Variants in FARS2 observed in about 807,000 individuals in gnomAD.
FARS2 encodes phenylalanyl-tRNA synthetase 2, mitochondrial, also known as phenylalanine--tRNA ligase, mitochondrial.
In FARS2, 40 loss-of-function variants were observed where a neutral mutation model predicts 46.4. The observed-to-expected ratio is 0.86, with a 90% CI of 0.67 to 1.12. FARS2 has a LOEUF of 1.12. FARS2 is among the 50% of genes most tolerant of loss of function. FARS2 has a pLI of 0.00. For synonymous variants in FARS2, 234 were observed against 214.9 expected, an observed-to-expected ratio of 1.09 and a Z score of -0.78; for missense variants, 513 against 567.9, an observed-to-expected ratio of 0.90 and a Z score of 0.98.
At chr6:5,506,972 T>A (rs1327785255) in intron 4 of FARS2, among the ~76,000 whole-genome samples, 2 of 152,228 alleles carry the variant, frequency 1.3e-5, no homozygotes, top group African/African-American at 4.8e-5. Flanking sequence ...ATGGCTTTGA[T>A]TTTTCAACAT....
At chr6:5,663,614 G>A (rs566843143) in intron 6 of FARS2, among the ~76,000 whole-genome samples, 2 of 152,198 alleles carry the variant, frequency 1.3e-5, no homozygotes, top group Admixed American at 1.3e-4. Flanking sequence ...GAGCGGAGAG[G>A]AGAGATGTGA....
intron 3 of FARS2, among the ~76,000 whole-genome samples, chr6:5,429,468 A>G (rs913892634): frequency 1.3e-5 from 2 of 152,170 alleles, no homozygotes; most frequent in African/African-American, 4.8e-5. Flanking sequence ...GACTCTCAAA[A>G]TATCTTTTTT....
At chr6:5,493,209 CAAAAAAAAAA>C (rs34541325) in intron 4 of FARS2, among the ~76,000 whole-genome samples, 5 of 92,880 alleles carry the variant, frequency 5.4e-5, no homozygotes, top group Non-Finnish European at 8.6e-5. Context: ...GACTGTGTCT[CAAAAAAAAAA>C]AAAAAAAAAG....
intron 4 of FARS2, among the ~76,000 whole-genome samples, chr6:5,487,148 T>C (rs568944728): frequency 3.9e-5 from 6 of 152,346 alleles, no homozygotes; most frequent in African/African-American, 9.6e-5. Flanking sequence ...AGGTTTTTCA[T>C]TTGTTTGTCT....
At chr6:5,293,128 C>A (rs1386561555) in intron 1 of FARS2, among the ~76,000 whole-genome samples, 3 of 152,190 alleles carry the variant, frequency 2.0e-5, no homozygotes. Flanking sequence ...ATCCAGAATT[C>A]ACTGGGTTGA....
the FARS2 span, among the ~76,000 whole-genome samples, chr6:5,253,072 T>A: frequency 6.6e-6 from 1 of 152,220 alleles, no homozygotes; most frequent in Non-Finnish European, 1.5e-5. Flanking sequence ...GCTTGTAATG[T>A]TTTACCCTTA....
At chr6:5,505,743 G>T (rs1768062780) in intron 4 of FARS2, among the ~76,000 whole-genome samples, 1 of 152,158 alleles carries the variant, frequency 6.6e-6, no homozygotes, top group South Asian at 2.1e-4. Flanking sequence ...TGCACTTGAG[G>T]AGCAGAGGTA....
chr6:5,544,361 C>T (rs536458438), intron 4 of FARS2, among the ~76,000 whole-genome samples: 4 of 152,172 alleles, frequency 2.6e-5, no homozygotes, highest in South Asian at 2.1e-4. Context: ...TGGGAGTCTC[C>T]GAGGCCATCT....
intron 1 of FARS2, among the ~76,000 whole-genome samples, chr6:5,351,582 G>A (rs764763444): frequency 2.6e-5 from 4 of 152,114 alleles, no homozygotes; most frequent in African/African-American, 4.8e-5. Flanking sequence ...TATTTTCCTC[G>A]ATTACAGAAG....
At chr6:5,536,144 C>T (rs149054880) in intron 4 of FARS2, among the ~76,000 whole-genome samples, 5,688 of 151,134 alleles carry the variant, frequency 0.038, 331 homozygotes, top group African/African-American at 0.13. Flanking sequence ...CTCCACCTTC[C>T]GGGTTCACAC....
upstream of FARS2, chr6:5,260,600 C>T: frequency 8.4e-7 from 1 of 1,188,318 alleles, no homozygotes; most frequent in Non-Finnish European, 1.2e-6. Context: ...ACCCCCGGTC[C>T]CCGGCCCCTG....
intron 6 of FARS2, among the ~76,000 whole-genome samples, chr6:5,627,012 C>G (rs876784): frequency 0.12 from 17,716 of 152,224 alleles, 3,015 homozygotes; most frequent in African/African-American, 0.37. Flanking sequence ...CATATCTAAA[C>G]ATACTTCATA....
intron 1 of FARS2, among the ~76,000 whole-genome samples, chr6:5,293,209 G>A (rs1341336983): frequency 2.0e-5 from 3 of 152,188 alleles, no homozygotes; most frequent in African/African-American, 7.2e-5. Flanking sequence ...GTGCCTTCTT[G>A]GGAAAGAAGG....
chr6:5,719,814 T>C (rs1449027379), intron 6 of FARS2, among the ~76,000 whole-genome samples: 4 of 152,248 alleles, frequency 2.6e-5, no homozygotes, highest in Non-Finnish European at 4.4e-5. Context: ...TAGTTGATTT[T>C]ATGTATTGCA....
chr6:5,273,514 G>T (rs1021686560), intron 1 of FARS2, among the ~76,000 whole-genome samples: 16 of 150,390 alleles, frequency 1.1e-4, no homozygotes, highest in African/African-American at 3.4e-4. Context: ...ATCAGATTGT[G>T]TTTTTTTTTT....
chr6:5,759,042 G>C (rs890624738), intron 6 of FARS2, among the ~76,000 whole-genome samples: 1 of 152,138 alleles, frequency 6.6e-6, no homozygotes, highest in East Asian at 1.9e-4. Context: ...GAGCTTGACG[G>C]GACATGCAGA....
chr6:5,687,991 GCT>G (rs1482748020), intron 6 of FARS2, among the ~76,000 whole-genome samples: 6 of 152,034 alleles, frequency 3.9e-5, no homozygotes, highest in African/African-American at 1.5e-4. Flanking sequence ...TCATGATTTG[GCT>G]CTCTGTTTGT....
intron 5 of FARS2, 152 bp from the exon 6 acceptor site, chr6:5,613,017 T>C: frequency 1.6e-6 from 1 of 632,844 alleles, no homozygotes; most frequent in Non-Finnish European, 2.7e-6. Flanking sequence ...TATTGATTTG[T>C]CTTTTAAGTT....
intron 6 of FARS2, among the ~76,000 whole-genome samples, chr6:5,675,059 C>T (rs962805157): frequency 2.0e-5 from 3 of 152,156 alleles, no homozygotes; most frequent in Non-Finnish European, 4.4e-5. Context: ...GTTTTTTAAT[C>T]TGCATTTTTT....
Sources: allele counts gnomAD v4.1 joint callset (sites outside exome capture counted in the v4.1 genomes callset), GRCh38; gene constraint gnomAD v4.1.1; transcripts MANE v1.5; gene names NCBI Gene and HGNC (gene_info 2026-07-23, HGNC 2026-07-21).